The following CSMD1 variants were observed in gnomAD, a reference collection of about 807,000 sequenced individuals.
CSMD1 encodes the protein CUB and Sushi multiple domains 1.
Under a neutral mutation model 417.5 loss-of-function variants are expected in CSMD1, and 213 were observed. The ratio of observed to expected loss-of-function variants is 0.51; its 90% CI spans 0.46 to 0.57. The LOEUF is 0.57. Among genes scored for constraint, CSMD1 ranks in the 20% least tolerant of loss-of-function variants. The probability of loss-of-function intolerance (pLI) is 0.00; values close to 1 mark genes in which losing one functional copy is unlikely to be tolerated. For missense variants in CSMD1, 6,923 were observed against 4,529.7 expected, an observed-to-expected ratio of 1.53 and a Z score of -15.17; for synonymous variants, 2,862 against 1,736.8, an observed-to-expected ratio of 1.65 and a Z score of -16.11.
At chr8:4,303,926 A>G (rs780035309) in intron 3 of CSMD1, among the ~76,000 whole-genome samples, 1 of 152,068 alleles carries the variant, frequency 6.6e-6, no homozygotes, top group Admixed American at 6.6e-5. Flanking sequence ...GTACTTTTCT[A>G]AAGAAAGGAT....
At chr8:3,545,524 G>A (rs1798621427) in intron 10 of CSMD1, among the ~76,000 whole-genome samples, 3 of 152,146 alleles carry the variant, frequency 2.0e-5, no homozygotes, top group Admixed American at 2.0e-4. Context: ...ATACTGTTCG[G>A]TATAATTTCA....
chr8:4,419,438 G>C (rs767010524), intron 3 of CSMD1, among the ~76,000 whole-genome samples: 2 of 152,030 alleles, frequency 1.3e-5, no homozygotes, highest in African/African-American at 4.8e-5. Flanking sequence ...AAGGTATCTA[G>C]GCACAAAATC....
At chr8:4,318,873 A>T (rs1799096438) in intron 3 of CSMD1, among the ~76,000 whole-genome samples, 1 of 152,312 alleles carries the variant, frequency 6.6e-6, no homozygotes, top group South Asian at 2.1e-4. Flanking sequence ...AACATCAGAG[A>T]TCTGTCCTAA....
At chr8:3,384,707 T>A (rs1180152975) in intron 18 of CSMD1, among the ~76,000 whole-genome samples, 3 of 87,176 alleles carry the variant, frequency 3.4e-5, no homozygotes, top group Admixed American at 1.6e-4. Context: ...AAATTATATA[T>A]AAATATATTT....
intron 7 of CSMD1, among the ~76,000 whole-genome samples, chr8:3,701,131 G>A (rs9987349): frequency 0.086 from 13,144 of 152,052 alleles, 694 homozygotes; most frequent in African/African-American, 0.15. Flanking sequence ...AGAGGTAAGA[G>A]GGAGAGAGAT....
At chr8:4,932,886 T>G (rs1007055312) in intron 1 of CSMD1, among the ~76,000 whole-genome samples, 1 of 152,200 alleles carries the variant, frequency 6.6e-6, no homozygotes, top group Non-Finnish European at 1.5e-5. Context: ...CAATATTAAT[T>G]TTTACTATGG....
intron 2 of CSMD1, among the ~76,000 whole-genome samples, chr8:4,519,737 C>T (rs140762381): frequency 0.4 from 28,248 of 71,474 alleles, 4,571 homozygotes; most frequent in Middle Eastern, 0.49. Flanking sequence ...AGTCAGACTT[C>T]ATCTCAAAAA....
At chr8:3,501,249 C>T (rs1052426455) in intron 10 of CSMD1, among the ~76,000 whole-genome samples, 2 of 152,098 alleles carry the variant, frequency 1.3e-5, no homozygotes, top group African/African-American at 4.8e-5. Context: ...CACATGCTCA[C>T]ACACACAGGC....
intron 5 of CSMD1, among the ~76,000 whole-genome samples, chr8:3,763,338 G>T (rs929528574): frequency 6.6e-6 from 1 of 152,126 alleles, no homozygotes; most frequent in Admixed American, 6.5e-5. Context: ...GGAGGTGTTG[G>T]TGTCATGGGG....
intron 3 of CSMD1, among the ~76,000 whole-genome samples, chr8:4,250,878 C>T (rs1054028266): frequency 6.6e-6 from 1 of 152,190 alleles, no homozygotes; most frequent in African/African-American, 2.4e-5. Flanking sequence ...ATTCCTACTA[C>T]CCTGATGAAA....
chr8:3,742,997 C>G (rs575428173), intron 6 of CSMD1, among the ~76,000 whole-genome samples: 1 of 152,278 alleles, frequency 6.6e-6, no homozygotes, highest in Non-Finnish European at 1.5e-5. Flanking sequence ...GCAGTAAAAT[C>G]CACGCCACCC....
intron 13 of CSMD1, 26 bp from the exon 14 acceptor site, chr8:3,408,251 A>C: frequency 6.5e-7 from 1 of 1,536,948 alleles, no homozygotes. Flanking sequence ...TATATTTTCA[A>C]ACAGTTATGC....
intron 3 of CSMD1, among the ~76,000 whole-genome samples, chr8:4,272,519 A>T (rs1804669294): frequency 6.6e-6 from 1 of 152,180 alleles, no homozygotes; most frequent in Non-Finnish European, 1.5e-5. Flanking sequence ...ATACATAGAA[A>T]CCACATGCAT....
chr8:4,497,336 C>G (rs569640636), intron 2 of CSMD1, among the ~76,000 whole-genome samples: 1 of 152,302 alleles, frequency 6.6e-6, no homozygotes, highest in Admixed American at 6.5e-5. Context: ...CAAAGTAAAT[C>G]TATTTATATA....
In CSMD1 at chr8:3,290,904, T is replaced by A. The variant is rs971411942; in HGVS notation, c.3951-6558A>T. On this transcript the variant is annotated intron_variant, in intron 25 of 69. Transcript: ENST00000635120. ...AGAGAGGGCATCCTGGTCTTGTGCC[T>A]GTTTTCAAAGGGAATGCTTCCAGTT... Among the ~76,000 whole-genome samples, 10 of 152,094 alleles carry A rather than the reference T, an allele frequency of 6.6e-5. No individual in the cohort carries two copies. The East Asian group carries it at 7.7e-4, about 12-fold the overall frequency.
intron 3 of CSMD1, among the ~76,000 whole-genome samples, chr8:4,130,072 A>G (rs1057006847): frequency 6.6e-6 from 1 of 152,110 alleles, no homozygotes; most frequent in African/African-American, 2.4e-5. Context: ...GAACCTCCTG[A>G]GTGTGTGTGT....
intron 5 of CSMD1, among the ~76,000 whole-genome samples, chr8:3,809,882 G>C (rs556149573): frequency 1.3e-5 from 2 of 152,100 alleles, no homozygotes; most frequent in African/African-American, 4.8e-5. Context: ...CACCCGTTAC[G>C]TACCTTTGCC....
chr8:4,964,791 T>G (rs938558039), intron 1 of CSMD1, among the ~76,000 whole-genome samples: 1 of 152,190 alleles, frequency 6.6e-6, no homozygotes, highest in Non-Finnish European at 1.5e-5. Flanking sequence ...GAAATTGTTC[T>G]TTTTATCGTC....
chr8:3,572,178 C>G (rs946877860), intron 10 of CSMD1, among the ~76,000 whole-genome samples: 1 of 152,190 alleles, frequency 6.6e-6, no homozygotes, highest in Non-Finnish European at 1.5e-5. Context: ...CATTCGAGCA[C>G]TCCTTCTCCA....
Sources: allele counts gnomAD v4.1 joint callset (sites outside exome capture counted in the v4.1 genomes callset), GRCh38; gene constraint gnomAD v4.1.1; transcripts MANE v1.5; gene names NCBI Gene and HGNC (gene_info 2026-07-23, HGNC 2026-07-21).